The following FN3K variants were observed in gnomAD, a reference collection of about 807,000 sequenced individuals.
The protein encoded by FN3K is fructosamine 3 kinase, also known as fructosamine-3-kinase.
FN3K carries 24 observed loss-of-function variants against 24.8 expected under a neutral mutation model. That is an observed-to-expected ratio of 0.97 (90% CI 0.70 to 1.36). The LOEUF is 1.36. FN3K is among the 40% of genes most tolerant of loss of function. The pLI is 0.00. For synonymous variants in FN3K, 192 were observed against 175.2 expected, an observed-to-expected ratio of 1.10 and a Z score of -0.76; for missense variants, 449 against 416.7, an observed-to-expected ratio of 1.08 and a Z score of -0.67.
chr17:82,747,020 T>G (rs964272698), intron 4 of FN3K, among the ~76,000 whole-genome samples: 32 of 152,050 alleles, frequency 2.1e-4, no homozygotes, highest in African/African-American at 6.5e-4. Flanking sequence ...AGATAGAGTT[T>G]CACCATCTTG....
intron 2 of FN3K, among the ~76,000 whole-genome samples, chr17:82,739,455 AT>A (rs527397353): frequency 0.022 from 2,158 of 100,208 alleles, 29 homozygotes; most frequent in African/African-American, 0.06. Flanking sequence ...TCACGCAGCT[AT>A]TTTTTTTTTT....
Position 82,738,579 on chromosome 17 carries a change from G to C in FN3K, c.232G>C (p.Asp78His). The C allele has an allele frequency of 1.9e-6, 3 of 1,614,050 alleles. No individual in the cohort carries two copies. The highest frequency in any genetic ancestry group is 2.5e-6 in the Non-Finnish European group (3 of 1,180,002). Residue 78 changes from aspartate to histidine, a missense_variant, in exon 2 of 6, where the codon GAC (aspartate) becomes CAC (histidine). By Grantham distance (81) the Asp-to-His change is moderately conservative. Transcript: ENST00000300784. ...GGTGCCGAGGCCCATGAAGGTCATC[G>C]ACCTGCCGGGAGGTGGGGCCGCCTT... Reference protein sequence around the residue: ...VRVPRPMKVIDLPGGGAAFVM... With the variant: ...VRVPRPMKVIHLPGGGAAFVM...
At chr17:82,744,116 C>T (rs1332496492) in intron 4 of FN3K, among the ~76,000 whole-genome samples, 1 of 152,266 alleles carries the variant, frequency 6.6e-6, no homozygotes, top group East Asian at 1.9e-4. Flanking sequence ...AGGGGCCTTT[C>T]CATCCTGCTC....
chr17:82,750,720 C>T lies in FN3K; in HGVS notation c.895C>T (p.Pro299Ser), dbSNP rs1020258323. The change falls in exon 6 of 6, where the codon CCT (proline) becomes TCT (serine). Residue 299 changes from proline (P) to serine (S), a missense_variant. Physicochemically the swap from Pro to Ser is moderately conservative, Grantham distance 74. Coordinates refer to ENST00000300784, the MANE Select transcript of FN3K (RefSeq NM_022158.4). Reference sequence around the variant, plus strand: ...CCACTTCGGGCGGGAGTACAGGAGCCCTTCCTTGGGCACCATGCGAAGGCT... The same window carrying T: ...CCACTTCGGGCGGGAGTACAGGAGCTCTTCCTTGGGCACCATGCGAAGGCT... ...WNHFGREYRS[P>S]SLGTMRRLLK The T allele has an allele frequency of 5.1e-5, 83 of 1,613,470 alleles. No individual in the cohort carries two copies. Among genetic ancestry groups the T allele is most frequent in the Non-Finnish European group, 6.8e-5 (80 of 1,179,956 alleles).
intron 4 of FN3K, among the ~76,000 whole-genome samples, chr17:82,741,841 T>C (rs1413288446): frequency 1.3e-5 from 2 of 152,280 alleles, no homozygotes; most frequent in Non-Finnish European, 2.9e-5. Context: ...AATTGGTTTT[T>C]AGTACATTCG....
intron 4 of FN3K, among the ~76,000 whole-genome samples, chr17:82,741,783 A>G (rs1863345133): frequency 1.3e-5 from 2 of 152,266 alleles, no homozygotes; most frequent in Admixed American, 1.3e-4. Context: ...TTTAGATACA[A>G]TTGAAATATA....
chr17:82,746,465 G>T (rs1011115461), intron 4 of FN3K, among the ~76,000 whole-genome samples: 1 of 151,888 alleles, frequency 6.6e-6, no homozygotes, highest in Admixed American at 6.6e-5. Flanking sequence ...TATGATTTGC[G>T]AATAGTGTCT....
intron 4 of FN3K, among the ~76,000 whole-genome samples, chr17:82,744,065 G>A (rs8077655): frequency 0.17 from 26,570 of 152,190 alleles, 2,797 homozygotes; most frequent in South Asian, 0.29. Flanking sequence ...AGGCTGCACG[G>A]TGCACCTCTG....
chr17:82,735,877 G>C, intron 1 of FN3K, 100 bp downstream of exon 1: 1 of 1,480,832 alleles, frequency 6.8e-7, no homozygotes, highest in Non-Finnish European at 9.1e-7. Context: ...TGGGCCTGGG[G>C]AGGGGTCAGC....
At chr17:82,747,575 A>G (rs145540424) in intron 4 of FN3K, among the ~76,000 whole-genome samples, 8 of 152,034 alleles carry the variant, frequency 5.3e-5, no homozygotes, top group Non-Finnish European at 2.9e-5. Flanking sequence ...TACTTTTTGT[A>G]TTTTTAGTAG....
intron 5 of FN3K, among the ~76,000 whole-genome samples, chr17:82,750,143 C>G (rs1048631506): frequency 6.6e-6 from 1 of 152,198 alleles, no homozygotes; most frequent in African/African-American, 2.4e-5. Flanking sequence ...TAAGGTAGCG[C>G]AACACTGGTT....
In FN3K at chr17:82,739,310, A is replaced by G. The variant is rs561506457; in HGVS notation, c.293+670A>G. Among the ~76,000 whole-genome samples, 5 of 151,938 alleles carry G rather than the reference A, an allele frequency of 3.3e-5. No homozygotes were observed. The South Asian group carries it at 1.0e-3, about 32-fold the overall frequency. Reference sequence around the variant, plus strand: ...TTTATTTTTATTTTATTTTTCCAAGACAGAGTCTTGCTCTGTTTCCCAGGC... The same window carrying G: ...TTTATTTTTATTTTATTTTTCCAAGGCAGAGTCTTGCTCTGTTTCCCAGGC... On this transcript the variant is annotated intron_variant, in intron 2 of 5. Transcript: ENST00000300784.
At position 82,741,368 on chromosome 17, in the gene FN3K, T is replaced by C. The variant is rs761177419; in HGVS notation, c.443T>C (p.Val148Ala). Residue 148 changes from valine (V) to alanine (A), a missense_variant, in exon 4 of 6, where the codon GTG (valine) becomes GCG (alanine). By Grantham distance (64) the Val-to-Ala change is moderately conservative. Transcript: ENST00000300784. ...QYVDKFGFHTVTCCGFIPQVN... is the reference protein window; with the variant it reads ...QYVDKFGFHTATCCGFIPQVN... ...GTGGACAAGTTCGGCTTCCACACGG[T>C]GACGTGCTGCGGCTTCATCCCGCAG... 4 of 1,613,698 alleles carry C rather than the reference T, an allele frequency of 2.5e-6. No individual in the cohort carries two copies. The African/African-American group carries it at 5.3e-5, about 22-fold the overall frequency.
chr17:82,748,857 G>T lies in FN3K; in HGVS notation c.471G>T (p.Val157=). 1 of 1,612,618 alleles carries T rather than the reference G, an allele frequency of 6.2e-7. No homozygotes were observed. ...TVTCCGFIPQ[V]NEWQDDWPTF... The stretch of plus-strand genomic sequence containing the variant: ...GCCTCTTTTCCCTTGTTGTCCAGGT[G>T]AATGAGTGGCAGGATGACTGGCCGA... Residue 157 remains valine, a splice_region_variant and synonymous_variant, in exon 5 of 6, where the codon GTG becomes GTT. Coordinates refer to ENST00000300784, the MANE Select transcript of FN3K (RefSeq NM_022158.4).
intron 2 of FN3K, among the ~76,000 whole-genome samples, chr17:82,738,942 A>ACGTG (rs2046923906): frequency 9.4e-6 from 1 of 106,734 alleles, no homozygotes; most frequent in Non-Finnish European, 1.9e-5. Context: ...ATATATATAT[A>ACGTG]TATATTTTTT....
At chr17:82,735,832 G>A in intron 1 of FN3K, 55 bp downstream of exon 1, 2 of 1,524,506 alleles carry the variant, frequency 1.3e-6, no homozygotes, top group South Asian at 2.4e-5. Context: ...GCCTGGGAAG[G>A]CGGAGGGGTC....
intron 4 of FN3K, among the ~76,000 whole-genome samples, chr17:82,747,301 ACTTT>A (rs759553765): frequency 1.4e-4 from 22 of 152,214 alleles, no homozygotes; most frequent in Non-Finnish European, 2.4e-4. Flanking sequence ...AATTGAAAAC[ACTTT>A]CTAATTTCCC....
At position 82,740,672 on chromosome 17, in the gene FN3K, A is replaced by G. The variant is rs563257242; in HGVS notation, c.294-91A>G. Reference sequence around the variant, plus strand: ...GTTTGAAGAATGGAGAATAGTTTTCAATGTATTTAAACCTTTCTCAAAATG... The same window carrying G: ...GTTTGAAGAATGGAGAATAGTTTTCGATGTATTTAAACCTTTCTCAAAATG... On this transcript the variant is annotated intron_variant, in intron 2 of 5. Coordinates refer to ENST00000300784, the MANE Select transcript of FN3K (RefSeq NM_022158.4). 32 of 844,080 alleles carry G rather than the reference A, an allele frequency of 3.8e-5. No homozygotes were observed. The South Asian group carries it at 4.3e-4, about 11-fold the overall frequency. 52.3% of individuals were successfully genotyped at this position (844,080 alleles called of 1,614,324 possible). A position where few individuals can be genotyped will look rare whatever the true frequency, so the allele number is the denominator to read the frequency against.
chr17:82,749,268 C>T (rs2046987019), intron 5 of FN3K: 7 of 489,720 alleles, frequency 1.4e-5, no homozygotes, highest in South Asian at 1.4e-4. Flanking sequence ...GTGGTGTTTA[C>T]CATGATTACT....
Sources: allele counts gnomAD v4.1 joint callset (sites outside exome capture counted in the v4.1 genomes callset), GRCh38; gene constraint gnomAD v4.1.1; transcripts MANE v1.5; gene names NCBI Gene and HGNC (gene_info 2026-07-23, HGNC 2026-07-21).